Variants in CHI3L2 observed in about 807,000 individuals in gnomAD.
The protein encoded by CHI3L2 is chitinase-3-like protein 2.
A neutral mutation model predicts 47.3 loss-of-function variants in CHI3L2; 47 were observed. That is an observed-to-expected ratio of 0.99 (90% CI 0.79 to 1.27). The LOEUF is 1.27. CHI3L2 is among the 50% of genes most tolerant of loss of function. The pLI is 0.00. For missense variants in CHI3L2, 497 were observed against 462.1 expected (o/e 1.08, Z -0.69); for synonymous variants, 198 against 169.9 (o/e 1.17, Z -1.28).
Position 111,227,734 on chromosome 1 carries a change from G to A in CHI3L2, c.5G>A (p.Gly2Glu), listed in dbSNP as rs149344974. The A allele has an allele frequency of 6.2e-7, 1 of 1,614,196 alleles. No individual in the cohort carries two copies. Among genetic ancestry groups the A allele is most frequent in the African/African-American group, 1.3e-5 (1 of 75,048 alleles). ...CAGAAGAAGCTGGCCAAGGATATGG[G>A]AGCAACCACCATGGACCAGAAGTCT... M[G>E]ATTMDQKSLW... Residue 2 changes from glycine to glutamate, a missense_variant, in exon 1 of 11, where the codon GGA becomes GAA. Physicochemically the swap from Gly to Glu is moderately conservative, Grantham distance 98. Transcript: ENST00000369748.
At chr1:111,235,224 T>A (rs976615552) in intron 5 of CHI3L2, among the ~76,000 whole-genome samples, 167 bp downstream of exon 5, 4 of 152,222 alleles carry the variant, frequency 2.6e-5, no homozygotes, top group Non-Finnish European at 5.9e-5. Flanking sequence ...CTGATTCCTA[T>A]TTTAAGGCAG....
At chr1:111,236,243 C>G in intron 7 of CHI3L2, 90 bp downstream of exon 7, 2 of 1,404,612 alleles carry the variant, frequency 1.4e-6, no homozygotes. Context: ...CTGTCTTGAA[C>G]TGAGGAAGAG....
rs1042437212 is a variant in CHI3L2 at position 111,238,696 on chromosome 1, T to G, written c.736-54T>G. 6 of 1,584,510 alleles carry G rather than the reference T, an allele frequency of 3.8e-6. No homozygotes were observed. In the Admixed American group the frequency reaches 8.6e-5, roughly 23 times the overall value. On this transcript the variant is annotated intron_variant, in intron 7 of 10. Transcript: ENST00000369748. ...AGTTTGGGATAGAGGCTAAAAAAGG[T>G]CTGACACCTTTCTTTCCCCACACTC...
intron 7 of CHI3L2, among the ~76,000 whole-genome samples, chr1:111,236,642 G>A (rs1399880677): frequency 3.8e-5 from 4 of 104,332 alleles, no homozygotes; most frequent in African/African-American, 1.1e-4. Context: ...CCTGGTGATG[G>A]GAAATGAAAA....
chr1:111,238,881 T>C lies in CHI3L2; in HGVS notation c.867T>C (p.Pro289=). 2 of 1,613,366 alleles carry C rather than the reference T, an allele frequency of 1.2e-6. No individual in the cohort carries two copies. Among genetic ancestry groups the C allele is most frequent in the Non-Finnish European group, 1.7e-6 (2 of 1,179,656 alleles). ...CCGTGGGGGCCCCTGCCTCTGGCCC[T>C]GGAGCTGCTGGACCCATCACAGAGT... ...ETTVGAPASG[P]GAAGPITESS... Residue 289 remains proline (P), a synonymous_variant, in exon 8 of 11, where the codon CCT becomes CCC. Transcript: ENST00000369748.
Position 111,243,317 on chromosome 1 carries a change from G to A in CHI3L2, c.*103G>A, listed in dbSNP as rs1377796598. On this transcript the variant is annotated 3_prime_UTR_variant, in exon 11 of 11. Transcript: ENST00000369748. The stretch of plus-strand genomic sequence containing the variant: ...ATTCCCCTTGCCAGGCTGGCCTTTG[G>A]ATCTCTCTTCCAAGCCTTTCCTGAC... 4.4e-6 allele frequency: 2 copies of A among 452,242 alleles called. No homozygotes were observed. Among genetic ancestry groups the A allele is most frequent in the African/African-American group, 4.0e-5 (2 of 49,900 alleles). The allele number at this position is 452,242 out of a possible 1,614,324, so 28.0% of individuals were successfully genotyped here.
rs1660054024 is a variant in CHI3L2 at position 111,241,419 on chromosome 1, T to C, written c.1011T>C (p.Asp337=). ...AGGGGAACCAGTGGGTGGGCTATGA[T>C]GATGTGAAGAGTATGGAGACCAAGG... The part of the protein sequence containing the change: ...AVKGNQWVGY[D]DVKSMETKVQ... Residue 337 remains aspartate, a synonymous_variant, in exon 9 of 11, where the codon GAT becomes GAC. Coordinates refer to ENST00000369748, the MANE Select transcript of CHI3L2 (RefSeq NM_004000.3). 4 of 1,600,672 alleles carry C rather than the reference T, an allele frequency of 2.5e-6. No homozygotes were observed. The highest frequency in any genetic ancestry group is 3.4e-6 in the Non-Finnish European group (4 of 1,167,778).
intron 1 of CHI3L2, among the ~76,000 whole-genome samples, chr1:111,229,409 G>A (rs529739576): frequency 4.5e-4 from 69 of 152,242 alleles, no homozygotes; most frequent in East Asian, 2.1e-3. Flanking sequence ...CAGGCCGGGC[G>A]CGGTGGCTCA....
chr1:111,229,703 A>AAAAAAAAAAAAAAAAAC (rs1659650260), intron 1 of CHI3L2, 149 bp from the exon 2 acceptor site: 1 of 1,142,710 alleles, frequency 8.8e-7, no homozygotes, highest in Non-Finnish European at 1.1e-6. Context: ...AAAAAAAAAA[A>AAAAAAAAAAAAAAAAAC]AAGAAACCAC....
chr1:111,229,990 C>G, intron 2 of CHI3L2, 109 bp downstream of exon 2: 1 of 1,190,036 alleles, frequency 8.4e-7, no homozygotes, highest in Non-Finnish European at 1.2e-6. Context: ...ATTACTCTCT[C>G]CGGTTCTGCC....
intron 5 of CHI3L2, among the ~76,000 whole-genome samples, chr1:111,235,313 C>T (rs982861603): frequency 6.6e-6 from 1 of 152,168 alleles, no homozygotes; most frequent in Non-Finnish European, 1.5e-5. Flanking sequence ...CAAAATAAAG[C>T]AACATCCATA....
intron 5 of CHI3L2, 35 bp downstream of exon 5, chr1:111,235,092 A>T: frequency 1.2e-6 from 2 of 1,607,334 alleles, no homozygotes; most frequent in South Asian, 1.1e-5. Context: ...TGTGAGTCAG[A>T]TGCCACGGTG....
Position 111,242,219 on chromosome 1 carries a change from T to A in CHI3L2, c.1036-8T>A. 6.2e-7 allele frequency: 1 copy of A among 1,614,138 alleles called. No homozygotes were observed. Among genetic ancestry groups the A allele is most frequent in the Non-Finnish European group, 8.5e-7 (1 of 1,179,960 alleles). On this transcript the variant is annotated splice_polypyrimidine_tract_variant and splice_region_variant and intron_variant, in intron 9 of 10. Transcript: ENST00000369748. The stretch of plus-strand genomic sequence containing the variant: ...GAATCTCTGTGTATCCTTCTGTGTC[T>A]CCCATAGGTTCAGTTCTTAAAGAAT...
At chr1:111,238,604 C>T (rs1277479901) in intron 7 of CHI3L2, 146 bp from the exon 8 acceptor site, 46 of 725,574 alleles carry the variant, frequency 6.3e-5, no homozygotes, top group Admixed American at 9.1e-5. Flanking sequence ...AACAAGCACT[C>T]TGGTCCGGGG....
At chr1:111,234,771 G>A (rs1407537133) in intron 4 of CHI3L2, 136 bp from the exon 5 acceptor site, 1 of 781,468 alleles carries the variant, frequency 1.3e-6, no homozygotes, top group Non-Finnish European at 2.0e-6. Flanking sequence ...GTTCCAAAAG[G>A]GGAAAGCATT....
chr1:111,237,866 G>C (rs987623269), intron 7 of CHI3L2, among the ~76,000 whole-genome samples: 1 of 152,148 alleles, frequency 6.6e-6, no homozygotes, highest in Non-Finnish European at 1.5e-5. Context: ...TCAATACAGA[G>C]ACCTTAAGAC....
At chr1:111,235,473 T>C (rs1332823467) in intron 5 of CHI3L2, among the ~76,000 whole-genome samples, 166 bp from the exon 6 acceptor site, 1 of 152,216 alleles carries the variant, frequency 6.6e-6, no homozygotes, top group Non-Finnish European at 1.5e-5. Context: ...ATGTGGAGAC[T>C]TCCTGAGCAG....
intron 2 of CHI3L2, 30 bp downstream of exon 2, chr1:111,229,911 G>A (rs1659662809): frequency 5.0e-6 from 8 of 1,613,370 alleles, no homozygotes; most frequent in Non-Finnish European, 6.8e-6. Context: ...CTACCGCCTG[G>A]ATCTCCTGGC....
intron 10 of CHI3L2, 110 bp downstream of exon 10, chr1:111,242,476 C>T (rs964432012): frequency 3.3e-6 from 4 of 1,224,238 alleles, no homozygotes; most frequent in Non-Finnish European, 3.3e-6. Context: ...TCTCATGCTC[C>T]TTTGGCTCTT....
Sources: allele counts gnomAD v4.1 joint callset (sites outside exome capture counted in the v4.1 genomes callset), GRCh38; gene constraint gnomAD v4.1.1; transcripts MANE v1.5; gene names NCBI Gene and HGNC (gene_info 2026-07-23, HGNC 2026-07-21).